Variants in MTHFSD observed in about 807,000 individuals in gnomAD.
MTHFSD encodes methenyltetrahydrofolate synthetase domain containing.
A neutral mutation model predicts 31.1 loss-of-function variants in MTHFSD; 37 were observed. The observed-to-expected ratio is 1.19, with a 90% CI of 0.91 to 1.56. The LOEUF (loss-of-function observed/expected upper bound fraction) is 1.56, where lower values mean the gene tolerates loss of function less well. Ranked by LOEUF, MTHFSD falls within the 40% of genes most tolerant of loss-of-function variation. MTHFSD has a pLI of 0.00. For synonymous variants in MTHFSD, 221 were observed against 206.9 expected (o/e 1.07, Z -0.59); for missense variants, 664 against 510.1 (o/e 1.30, Z -2.91).
At chr16:86,535,077 G>A (rs562559453) in intron 7 of MTHFSD, 7 of 246,014 alleles carry the variant, frequency 2.8e-5, no homozygotes, top group East Asian at 1.8e-4. Context: ...ATATCCTTCC[G>A]TGCACATCAC....
In MTHFSD at chr16:86,541,834, G is replaced by A. The variant is rs766730730; in HGVS notation, c.556-12C>T. On this transcript the variant is annotated splice_polypyrimidine_tract_variant and intron_variant, in intron 6 of 7. Coordinates refer to ENST00000360900, the MANE Select transcript of MTHFSD (RefSeq NM_001159377.2). The stretch of plus-strand genomic sequence containing the variant: ...GGGATGTCCACGACCTGGGGGAAGA[G>A]AGGAGGGATAAAGGGGCTGCTGGGA... The A allele has an allele frequency of 3.7e-5, 59 of 1,613,528 alleles. No individual in the cohort carries two copies. Among genetic ancestry groups the A allele is most frequent in the Non-Finnish European group, 4.5e-5 (53 of 1,179,646 alleles).
chr16:86,552,389 A>C (rs771545883), intron 2 of MTHFSD: 83 of 1,007,696 alleles, frequency 8.2e-5, no homozygotes, highest in Non-Finnish European at 1.1e-4. Context: ...CCAGACAGGC[A>C]CTAACAGTCA....
At chr16:86,554,974 A>C in intron 1 of MTHFSD, 195 bp downstream of exon 1, 1 of 1,312,524 alleles carries the variant, frequency 7.6e-7, no homozygotes, top group African/African-American at 1.5e-5. Flanking sequence ...TTTTCCTGAC[A>C]TCTTTCTCGG....
chr16:86,553,904 T>A (rs1190830417), intron 2 of MTHFSD, among the ~76,000 whole-genome samples: 1 of 152,158 alleles, frequency 6.6e-6, no homozygotes, highest in Non-Finnish European at 1.5e-5. Flanking sequence ...AGCTCAGAGT[T>A]TGTGAATGCA....
At chr16:86,548,426 G>A (rs1332338627) in intron 4 of MTHFSD, 38 bp downstream of exon 4, 2 of 1,529,084 alleles carry the variant, frequency 1.3e-6, no homozygotes, top group South Asian at 1.1e-5. Context: ...ACAGGGTACA[G>A]TTCTTTCCTA....
At chr16:86,551,250 A>G (rs1239676310) in intron 3 of MTHFSD, among the ~76,000 whole-genome samples, 1 of 152,210 alleles carries the variant, frequency 6.6e-6, no homozygotes, top group African/African-American at 2.4e-5. Flanking sequence ...ATTTAAATCA[A>G]CCCTGGGGGA....
chr16:86,535,994 G>A (rs1182482119), intron 7 of MTHFSD, among the ~76,000 whole-genome samples: 1 of 152,140 alleles, frequency 6.6e-6, no homozygotes, highest in Non-Finnish European at 1.5e-5. Flanking sequence ...GGCACTACAT[G>A]TGGGCACTCA....
At position 86,541,595 on chromosome 16, in the gene MTHFSD, G is replaced by A. The variant is rs1021412277; in HGVS notation, c.681+102C>T. 5 of 1,485,990 alleles carry A rather than the reference G, an allele frequency of 3.4e-6. No individual in the cohort carries two copies. The South Asian group carries it at 6.1e-5, about 18-fold the overall frequency. 92.1% of individuals were successfully genotyped at this position (1,485,990 alleles called of 1,614,324 possible). ...GCTCCTTGGGTGATTCTAACATACA[G>A]CCATGCTGGGATTGCCAACAGCTCC... On this transcript the variant is annotated intron_variant, in intron 7 of 7. Coordinates refer to ENST00000360900, the MANE Select transcript of MTHFSD (RefSeq NM_001159377.2).
At chr16:86,543,394 T>C (rs958141890) in intron 5 of MTHFSD, among the ~76,000 whole-genome samples, 35 of 152,212 alleles carry the variant, frequency 2.3e-4, no homozygotes, top group African/African-American at 8.2e-4. Context: ...TTGGCCCCCA[T>C]GGATAGCCCC....
In MTHFSD at chr16:86,531,386, C is replaced by T. The variant is rs1468982177; in HGVS notation, c.*625G>A. 3 of 152,392 alleles carry T rather than the reference C, an allele frequency of 2.0e-5. No individual in the cohort carries two copies. The highest frequency in any genetic ancestry group is 4.4e-5 in the Non-Finnish European group (3 of 68,170). 9.4% of individuals were successfully genotyped at this position (152,392 alleles called of 1,614,324 possible). The stretch of plus-strand genomic sequence containing the variant: ...AGCTGGCTGAGGGCCCGGAGTGTGT[C>T]CACAGAGGGAGGAGCGGGGCTGGGG... On this transcript the variant is annotated 3_prime_UTR_variant, in exon 8 of 8. Transcript: ENST00000360900. This position sits in a 1 kb window ranked among gnomAD's most constrained non-coding sequence, Gnocchi z 5.5.
In MTHFSD at chr16:86,548,157, A is replaced by G. The variant is rs765142474; in HGVS notation, c.351+307T>C. On this transcript the variant is annotated intron_variant, in intron 4 of 7. Transcript: ENST00000360900. ...AAGAAAAAGCTCCACAATACTGAAC[A>G]TCGCAGGTTAACACCGGGCAGTGCC... The G allele has an allele frequency of 2.2e-5, 28 of 1,286,580 alleles. 1 individual carries two copies. The South Asian group carries it at 2.6e-4, about 12-fold the overall frequency. 79.7% of individuals were successfully genotyped at this position (1,286,580 alleles called of 1,614,324 possible). A position where few individuals can be genotyped will look rare whatever the true frequency, so the allele number is the denominator to read the frequency against.
At chr16:86,551,011 C>G (rs148821290) in intron 3 of MTHFSD, among the ~76,000 whole-genome samples, 5 of 152,332 alleles carry the variant, frequency 3.3e-5, no homozygotes, top group Middle Eastern at 3.4e-3. Flanking sequence ...CGATTCTGCC[C>G]TGAGATGGCC....
In MTHFSD at chr16:86,532,246, G is replaced by A. The variant is rs1395638901; in HGVS notation, c.917C>T (p.Ala306Val). ...SPPGEGAPLA[A>V]DVYVGNLPGD... Reference sequence around the variant, plus strand: ...GGGGAGGTTCCCAACGTAAACATCGGCTGCAAGCGGGGCACCCTCCCCTGG... The same window carrying A: ...GGGGAGGTTCCCAACGTAAACATCGACTGCAAGCGGGGCACCCTCCCCTGG... The change falls in exon 8 of 8, where the codon GCC (alanine) becomes GTC (valine). Residue 306 changes from alanine (A) to valine (V), a missense_variant. Transcript: ENST00000360900. 1.3e-6 allele frequency: 2 copies of A among 1,569,234 alleles called. No individual in the cohort carries two copies. Among genetic ancestry groups the A allele is most frequent in the East Asian group, 2.3e-5 (1 of 43,388 alleles).
Position 86,542,701 on chromosome 16 carries a change from C to T in MTHFSD, c.443-488G>A, listed in dbSNP as rs995934458. ...GCACTGAATACTCACCACTAGATAC[C>T]AGGTCCTGAGGGACGGTTTAAGCAG... On this transcript the variant is annotated intron_variant, in intron 5 of 7. Coordinates refer to ENST00000360900, the MANE Select transcript of MTHFSD (RefSeq NM_001159377.2). The surrounding 1 kb of genome is among the most constrained non-coding windows in gnomAD (Gnocchi z 4.6). 2.0e-5 allele frequency among the ~76,000 whole-genome samples: 3 copies of T among 152,156 alleles called. No individual in the cohort carries two copies. Among genetic ancestry groups the T allele is most frequent in the African/African-American group, 4.8e-5 (2 of 41,430 alleles).
In MTHFSD at chr16:86,532,140, C is replaced by T. The variant is rs754311858; in HGVS notation, c.1023G>A (p.Pro341=). The T allele has an allele frequency of 2.1e-5, 32 of 1,559,054 alleles. No homozygotes were observed. Among genetic ancestry groups the T allele is most frequent in the South Asian group, 2.0e-4 (17 of 83,484 alleles). The change falls in exon 8 of 8, where the codon CCG becomes CCA. Residue 341 remains proline (P), a synonymous_variant. Transcript: ENST00000360900. ...GGTAATGGAGGAAGGCTCTGCGCCGCGGGCCCTGCCAGGTGAGCCGCAGGG... is the reference window on the plus strand; with the variant it reads ...GGTAATGGAGGAAGGCTCTGCGCCGTGGGCCCTGCCAGGTGAGCCGCAGGG... ...SVPLRLTWQG[P]RRRAFLHYPD...
In MTHFSD at chr16:86,552,658, T is replaced by A. The variant is rs113066757; in HGVS notation, c.124-512A>T. Among the ~76,000 whole-genome samples the A allele has an allele frequency of 2.8e-3, 434 of 152,316 alleles. 3 individuals are homozygous for A. The highest frequency in any genetic ancestry group is 8.9e-3 in the African/African-American group (371 of 41,564). On this transcript the variant is annotated intron_variant, in intron 2 of 7. Transcript: ENST00000360900. The stretch of plus-strand genomic sequence containing the variant: ...AAAGATTTCTACATGATTCTCTACA[T>A]CCTTCATCTTTACCTCTGTTAAGAT...
At chr16:86,536,445 T>C (rs1458638306) in intron 7 of MTHFSD, among the ~76,000 whole-genome samples, 4 of 152,178 alleles carry the variant, frequency 2.6e-5, no homozygotes, top group Non-Finnish European at 4.4e-5. Context: ...CTTTTGTTCA[T>C]AGTTGATCAA....
intron 4 of MTHFSD, chr16:86,547,474 G>A: frequency 1.0e-6 from 1 of 986,198 alleles, no homozygotes; most frequent in Non-Finnish European, 1.2e-6. Flanking sequence ...TCTCCCGACA[G>A]TCACAGAAGG....
intron 2 of MTHFSD, among the ~76,000 whole-genome samples, chr16:86,554,413 C>G (rs955426298): frequency 3.3e-5 from 5 of 152,180 alleles, no homozygotes; most frequent in Non-Finnish European, 5.9e-5. Context: ...CACAACCTCA[C>G]CTAGAGACAA....
Sources: allele counts gnomAD v4.1 joint callset (sites outside exome capture counted in the v4.1 genomes callset), GRCh38; gene constraint gnomAD v4.1.1; non-coding constraint Gnocchi (gnomAD v3.1); transcripts MANE v1.5; gene names NCBI Gene and HGNC (gene_info 2026-07-23, HGNC 2026-07-21).